DENND4A: variants seen among roughly 807,000 people sequenced by gnomAD.
The protein encoded by DENND4A is DENN domain containing 4A.
A neutral mutation model predicts 199.3 loss-of-function variants in DENND4A; 70 were observed. That is an observed-to-expected ratio of 0.35 (90% CI 0.29 to 0.43). The LOEUF (loss-of-function observed/expected upper bound fraction) is 0.43, where lower values mean the gene tolerates loss of function less well. Among genes scored for constraint, DENND4A ranks in the 20% least tolerant of loss-of-function variants. The pLI, the probability that DENND4A is intolerant of heterozygous loss-of-function variation, is 1.00. For missense variants in DENND4A, 1,723 were observed against 2,255.8 expected (o/e 0.76, Z 4.78); for synonymous variants, 686 against 766.9 (o/e 0.89, Z 1.74).
intron 27 of DENND4A, among the ~76,000 whole-genome samples, chr15:65,669,241 G>A (rs974319789): frequency 6.6e-6 from 1 of 152,150 alleles, no homozygotes; most frequent in Non-Finnish European, 1.5e-5. Flanking sequence ...GGCTTCATCT[G>A]TCCAGCTATA....
At position 65,660,851 on chromosome 15, in the gene DENND4A, T is replaced by C. The variant is rs887115460; in HGVS notation, c.*1000A>G. The C allele has an allele frequency of 6.6e-6, 1 of 152,194 alleles. No individual in the cohort carries two copies. The highest frequency in any genetic ancestry group is 1.5e-5 in the Non-Finnish European group (1 of 68,020). The allele number at this position is 152,194 out of a possible 1,614,324, so 9.4% of individuals were successfully genotyped here. On this transcript the variant is annotated 3_prime_UTR_variant, in exon 33 of 33. Coordinates refer to ENST00000443035, the MANE Select transcript of DENND4A (RefSeq NM_001320835.1). ...ATTAACAGAATACCCCAGTAAGTCA[T>C]ATTTCAGATAAATATTCTATAGTAT...
chr15:65,717,629 AAATGGGTAACC>A, intron 13 of DENND4A, 138 bp downstream of exon 13: 1 of 736,044 alleles, frequency 1.4e-6, no homozygotes, highest in Non-Finnish European at 2.2e-6. Context: ...AGTCCTATGG[AAATGGGTAACC>A]AACAAAGCTA....
intron 12 of DENND4A, among the ~76,000 whole-genome samples, chr15:65,719,798 G>C (rs747526641): frequency 2.6e-5 from 4 of 151,876 alleles, no homozygotes; most frequent in African/African-American, 4.8e-5. Flanking sequence ...AGGAGGCTGA[G>C]ATGGGAGGAT....
chr15:65,745,969 AC>A (rs370747290), intron 4 of DENND4A, among the ~76,000 whole-genome samples: 2,018 of 151,352 alleles, frequency 0.013, 56 homozygotes, highest in African/African-American at 0.047. Flanking sequence ...CCCCGTCTCT[AC>A]CAAAAAAAAA....
At chr15:65,745,741 T>C (rs571688003) in intron 4 of DENND4A, among the ~76,000 whole-genome samples, 14 of 152,266 alleles carry the variant, frequency 9.2e-5, no homozygotes, top group African/African-American at 3.4e-4. Context: ...CATTTGGATA[T>C]AGTAGAAACC....
intron 4 of DENND4A, among the ~76,000 whole-genome samples, chr15:65,744,097 T>A (rs1166929762): frequency 6.6e-6 from 1 of 152,098 alleles, no homozygotes; most frequent in Admixed American, 6.6e-5. Context: ...TTATGAGAGT[T>A]TGAATAAGGG....
intron 4 of DENND4A, among the ~76,000 whole-genome samples, chr15:65,743,746 T>C (rs768825645): frequency 6.6e-6 from 1 of 152,192 alleles, no homozygotes; most frequent in Non-Finnish European, 1.5e-5. Flanking sequence ...GAGCAGAGGT[T>C]TCTAGGTAGA....
At chr15:65,724,030 A>C (rs1424085073) in intron 11 of DENND4A, among the ~76,000 whole-genome samples, 1 of 152,132 alleles carries the variant, frequency 6.6e-6, no homozygotes, top group Non-Finnish European at 1.5e-5. Context: ...AAGCATTTGG[A>C]CTTAAAGATA....
intron 1 of DENND4A, among the ~76,000 whole-genome samples, chr15:65,775,637 C>CAAAAAAAAAA (rs59714693): frequency 2.5e-4 from 7 of 27,684 alleles, no homozygotes; most frequent in African/African-American, 5.2e-4. Flanking sequence ...CAAGACTCCT[C>CAAAAAAAAAA]AAAAAAAAAA....
intron 30 of DENND4A, chr15:65,664,991 C>G (rs2075988396): frequency 2.2e-6 from 1 of 459,972 alleles, no homozygotes; most frequent in Non-Finnish European, 3.8e-6. Context: ...TCTAAATCAG[C>G]AGCCTGGGAT....
chr15:65,723,103 G>A (rs1039793473), intron 11 of DENND4A, among the ~76,000 whole-genome samples, 155 bp from the exon 12 acceptor site: 1 of 152,088 alleles, frequency 6.6e-6, no homozygotes, highest in Non-Finnish European at 1.5e-5. Context: ...AATCCTACAG[G>A]GGTAAATTGG....
intron 1 of DENND4A, among the ~76,000 whole-genome samples, chr15:65,791,622 G>T (rs2077727020): frequency 6.6e-6 from 1 of 152,092 alleles, no homozygotes; most frequent in Non-Finnish European, 1.5e-5. Context: ...CAGATACCGA[G>T]CAGGTGGGAT....
At chr15:65,733,313 AT>A (rs1458868424) in intron 7 of DENND4A, among the ~76,000 whole-genome samples, 1 of 152,134 alleles carries the variant, frequency 6.6e-6, no homozygotes, top group African/African-American at 2.4e-5. Flanking sequence ...CCAGAATAAG[AT>A]GGATAAAAAG....
chr15:65,768,694 A>T (rs1000063275), intron 1 of DENND4A, among the ~76,000 whole-genome samples: 2 of 152,072 alleles, frequency 1.3e-5, no homozygotes, highest in Admixed American at 6.5e-5. Context: ...TTAAGAATAC[A>T]CAATTTTGCC....
chr15:65,741,577 C>T (rs2076263114), intron 5 of DENND4A, 138 bp downstream of exon 5: 1 of 544,964 alleles, frequency 1.8e-6, no homozygotes, highest in Non-Finnish European at 3.1e-6. Flanking sequence ...TAAGTGAAGA[C>T]AAAAATGAGA....
intron 1 of DENND4A, among the ~76,000 whole-genome samples, chr15:65,790,934 T>G (rs530023635): frequency 1.3e-5 from 2 of 151,958 alleles, no homozygotes; most frequent in South Asian, 2.1e-4. Flanking sequence ...TGTCTCCACC[T>G]CCTCCCCCAA....
intron 29 of DENND4A, 21 bp downstream of exon 29, chr15:65,667,428 T>C: frequency 1.2e-6 from 2 of 1,609,564 alleles, no homozygotes; most frequent in Non-Finnish European, 1.7e-6. Context: ...ATTCATTGCC[T>C]TTTAATTTTT....
intron 22 of DENND4A, among the ~76,000 whole-genome samples, chr15:65,692,344 C>T (rs968905624): frequency 3.9e-5 from 6 of 152,098 alleles, no homozygotes; most frequent in African/African-American, 9.7e-5. Context: ...CTGTTTTCTA[C>T]CAAATTACTT....
At chr15:65,733,395 A>G (rs1380655216) in intron 7 of DENND4A, among the ~76,000 whole-genome samples, 1 of 152,026 alleles carries the variant, frequency 6.6e-6, no homozygotes, top group East Asian at 1.9e-4. Flanking sequence ...AATCTTTCCT[A>G]GGGGGGAATA....
Sources: allele counts gnomAD v4.1 joint callset (sites outside exome capture counted in the v4.1 genomes callset), GRCh38; gene constraint gnomAD v4.1.1; transcripts MANE v1.5; gene names NCBI Gene and HGNC (gene_info 2026-07-23, HGNC 2026-07-21).